AK5: variants seen among roughly 807,000 people sequenced by gnomAD.
AK5 encodes the protein adenylate kinase isoenzyme 5.
Under a neutral mutation model 69.5 loss-of-function variants are expected in AK5, and 27 were observed. The observed-to-expected ratio is 0.39, with a 90% CI of 0.29 to 0.54. AK5 has a LOEUF of 0.54. Ranked by LOEUF, AK5 falls within the 20% of genes least tolerant of loss-of-function variation. The probability of loss-of-function intolerance (pLI) is 0.71; values close to 1 mark genes in which losing one functional copy is unlikely to be tolerated. For missense variants in AK5, 531 were observed against 700.4 expected, an observed-to-expected ratio of 0.76 and a Z score of 2.73; for synonymous variants, 260 against 244.4, an observed-to-expected ratio of 1.06 and a Z score of -0.60.
chr1:77,340,260 A>C (rs1378510366), intron 5 of AK5, 117 bp from the exon 6 acceptor site: 1 of 1,030,020 alleles, frequency 9.7e-7, no homozygotes, highest in Non-Finnish European at 1.4e-6. Context: ...ACTGTCAAAA[A>C]CATAGAGGGC....
intron 6 of AK5, among the ~76,000 whole-genome samples, chr1:77,350,630 G>A (rs148784908): frequency 2.0e-4 from 30 of 152,288 alleles, no homozygotes; most frequent in African/African-American, 6.7e-4. Flanking sequence ...ATGGCAGATC[G>A]GCAACCATCT....
intron 6 of AK5, among the ~76,000 whole-genome samples, chr1:77,349,154 C>G (rs1336335532): frequency 6.6e-6 from 1 of 152,144 alleles, no homozygotes; most frequent in East Asian, 1.9e-4. Flanking sequence ...CAATAGCTAA[C>G]AATTCCTGAA....
chr1:77,405,548 C>T (rs977173612), intron 6 of AK5, among the ~76,000 whole-genome samples: 3 of 152,226 alleles, frequency 2.0e-5, no homozygotes, highest in Non-Finnish European at 4.4e-5. Context: ...TCCTGCAGAG[C>T]CAGTACCTAG....
intron 8 of AK5, among the ~76,000 whole-genome samples, chr1:77,431,064 A>G (rs1651605309): frequency 6.6e-6 from 1 of 152,166 alleles, no homozygotes; most frequent in Non-Finnish European, 1.5e-5. Context: ...GAACATTGAT[A>G]GGATAGGAGG....
intron 3 of AK5, among the ~76,000 whole-genome samples, chr1:77,295,987 A>G (rs1257966778): frequency 6.6e-6 from 1 of 152,178 alleles, no homozygotes; most frequent in Non-Finnish European, 1.5e-5. Context: ...GTAACATTTT[A>G]TATATTACAA....
intron 5 of AK5, among the ~76,000 whole-genome samples, chr1:77,305,153 C>A (rs563343855): frequency 6.6e-6 from 1 of 152,104 alleles, no homozygotes; most frequent in South Asian, 2.1e-4. Context: ...AATGTCTATT[C>A]AAATCTTTTG....
At chr1:77,539,768 C>T (rs1262206684) in intron 13 of AK5, among the ~76,000 whole-genome samples, 5 of 152,194 alleles carry the variant, frequency 3.3e-5, no homozygotes, top group African/African-American at 2.4e-5. Context: ...TCCTAAGTAA[C>T]AGCTTGTGGC....
At chr1:77,338,603 T>C (rs1661488233) in intron 5 of AK5, among the ~76,000 whole-genome samples, 2 of 152,052 alleles carry the variant, frequency 1.3e-5, no homozygotes. Context: ...ACCAAAACAG[T>C]GGAAGGGCAC....
chr1:77,283,211 C>T, intron 1 of AK5: 1 of 985,478 alleles, frequency 1.0e-6, no homozygotes, highest in Non-Finnish European at 1.2e-6. Flanking sequence ...ACCCCTGTCT[C>T]AGGTCGTTTG....
intron 5 of AK5, among the ~76,000 whole-genome samples, chr1:77,331,959 A>G (rs1215842324): frequency 1.3e-5 from 2 of 152,024 alleles, no homozygotes; most frequent in African/African-American, 2.4e-5. Flanking sequence ...TCTTTTTGAG[A>G]CAGGGTCTCA....
At chr1:77,428,059 C>T (rs1002177070) in intron 8 of AK5, among the ~76,000 whole-genome samples, 3 of 152,180 alleles carry the variant, frequency 2.0e-5, no homozygotes, top group Admixed American at 6.5e-5. Context: ...CACATTTCAA[C>T]ATGAGATGAG....
At chr1:77,337,253 C>T (rs1196656947) in intron 5 of AK5, among the ~76,000 whole-genome samples, 1 of 152,130 alleles carries the variant, frequency 6.6e-6, no homozygotes, top group Non-Finnish European at 1.5e-5. Flanking sequence ...TTGTAGTAAT[C>T]CCACATAGGT....
chr1:77,447,419 G>A (rs906408058), intron 8 of AK5, among the ~76,000 whole-genome samples: 2 of 152,212 alleles, frequency 1.3e-5, no homozygotes, highest in African/African-American at 4.8e-5. Flanking sequence ...TAGCTGGCAT[G>A]CTCTGTCACA....
At chr1:77,358,310 C>T (rs1662656619) in intron 6 of AK5, among the ~76,000 whole-genome samples, 1 of 152,046 alleles carries the variant, frequency 6.6e-6, no homozygotes, top group Non-Finnish European at 1.5e-5. Context: ...AATTTATTTA[C>T]CCCCAAAAGC....
intron 8 of AK5, among the ~76,000 whole-genome samples, chr1:77,461,134 C>T (rs1205039469): frequency 6.7e-6 from 1 of 150,186 alleles, no homozygotes; most frequent in Non-Finnish European, 1.5e-5. Flanking sequence ...CCTGGGTTCA[C>T]ACCATTCTCC....
At chr1:77,336,109 G>A (rs1228494029) in intron 5 of AK5, among the ~76,000 whole-genome samples, 3 of 139,438 alleles carry the variant, frequency 2.2e-5, no homozygotes, top group Non-Finnish European at 1.5e-5. Flanking sequence ...TTGAGATGGA[G>A]TCTCACTCTG....
intron 1 of AK5, chr1:77,283,023 G>A (rs1050992024): frequency 6.1e-6 from 6 of 985,630 alleles, no homozygotes; most frequent in Non-Finnish European, 6.0e-6. Context: ...GCCAGTGCTC[G>A]ACAACCCACC....
intron 6 of AK5, among the ~76,000 whole-genome samples, chr1:77,368,245 A>G (rs1449438262): frequency 4.4e-5 from 3 of 67,906 alleles, no homozygotes; most frequent in Non-Finnish European, 5.7e-5. Flanking sequence ...ATATATATAT[A>G]TATATATAAT....
At chr1:77,485,251 C>T (rs770567014) in intron 9 of AK5, among the ~76,000 whole-genome samples, 6 of 152,306 alleles carry the variant, frequency 3.9e-5, no homozygotes, top group East Asian at 3.9e-4. Flanking sequence ...ATGGTTTCAA[C>T]GATCCCAAAC....
Sources: allele counts gnomAD v4.1 joint callset (sites outside exome capture counted in the v4.1 genomes callset), GRCh38; gene constraint gnomAD v4.1.1; transcripts MANE v1.5; gene names NCBI Gene and HGNC (gene_info 2026-07-23, HGNC 2026-07-21).